The following OR9Q1 variants were observed in gnomAD, a reference collection of about 807,000 sequenced individuals.
OR9Q1 encodes the protein olfactory receptor family 9 subfamily Q member 1, also known as olfactory receptor 9Q1.
For synonymous variants in OR9Q1, 153 were observed against 148.6 expected (o/e 1.03, Z -0.22); for missense variants, 374 against 378.8 (o/e 0.99, Z 0.11).
At chr11:58,138,952 A>C (rs1854215547) in intron 2 of OR9Q1, among the ~76,000 whole-genome samples, 1 of 152,172 alleles carries the variant, frequency 6.6e-6, no homozygotes, top group Admixed American at 6.5e-5. Flanking sequence ...TATATTTTCT[A>C]AGACACAAGA....
At position 58,179,598 on chromosome 11, in the gene OR9Q1, G is replaced by T; in HGVS notation, c.154G>T (p.Asp52Tyr). The change falls in exon 3 of 3, where the codon GAT becomes TAT. Residue 52 changes from aspartate (D) to tyrosine (Y), a missense_variant. By Grantham distance (160) the Asp-to-Tyr change is radical. Transcript: ENST00000335397. ...AGAGATGATTATTCTGATCCTCATG[G>T]ATCACCAGCTCCACGCTCCAATGTA... Reference protein sequence around the residue: ...NLEMIILILMDHQLHAPMYFL... With the variant: ...NLEMIILILMYHQLHAPMYFL... 1 of 1,613,656 alleles carries T rather than the reference G, an allele frequency of 6.2e-7. No homozygotes were observed. The highest frequency in any genetic ancestry group is 8.5e-7 in the Non-Finnish European group (1 of 1,179,748).
intron 2 of OR9Q1, chr11:58,118,011 T>C (rs1853975299): frequency 6.6e-6 from 1 of 152,496 alleles, no homozygotes; most frequent in Admixed American, 6.5e-5. Flanking sequence ...AGTTTTTCCT[T>C]ATACAATACT....
intron 2 of OR9Q1, among the ~76,000 whole-genome samples, chr11:58,166,840 C>T (rs1663733466): frequency 6.6e-6 from 1 of 151,808 alleles, no homozygotes; most frequent in South Asian, 2.1e-4. Flanking sequence ...GGTGGGAGGA[C>T]AGGGAGACTG....
At chr11:58,116,993 G>C (rs1294636821) in intron 2 of OR9Q1, 1 of 152,062 alleles carries the variant, frequency 6.6e-6, no homozygotes, top group Non-Finnish European at 1.5e-5. Flanking sequence ...TTATTCCTTG[G>C]TGCAAAGGAT....
intron 2 of OR9Q1, among the ~76,000 whole-genome samples, chr11:58,177,589 A>C (rs1461053447): frequency 6.6e-6 from 1 of 152,218 alleles, no homozygotes; most frequent in Non-Finnish European, 1.5e-5. Flanking sequence ...TGAAGGTAAC[A>C]GCTTTCTGCT....
At chr11:58,098,785 GCTT>G (rs1266834755) in intron 2 of OR9Q1, among the ~76,000 whole-genome samples, 2 of 151,802 alleles carry the variant, frequency 1.3e-5, no homozygotes, top group African/African-American at 2.4e-5. Context: ...TCTTTTTCTA[GCTT>G]CTTGAGTCGG....
chr11:58,045,167 A>G (rs1853203740), intron 1 of OR9Q1: 1 of 152,202 alleles, frequency 6.6e-6, no homozygotes, highest in African/African-American at 2.4e-5. Context: ...TCTGAAATCC[A>G]AAACACTTCT....
At chr11:58,053,482 A>C (rs1439995476) in intron 1 of OR9Q1, among the ~76,000 whole-genome samples, 3 of 143,278 alleles carry the variant, frequency 2.1e-5, no homozygotes, top group Non-Finnish European at 4.6e-5. Flanking sequence ...TAGCATTAGG[A>C]GATATACCTA....
At chr11:58,141,796 A>C (rs1412859630) in intron 2 of OR9Q1, among the ~76,000 whole-genome samples, 1 of 152,152 alleles carries the variant, frequency 6.6e-6, no homozygotes, top group Non-Finnish European at 1.5e-5. Flanking sequence ...CCATTTTCTT[A>C]GCCACTATAT....
At chr11:58,041,841 G>A (rs1853166716) in intron 1 of OR9Q1, among the ~76,000 whole-genome samples, 1 of 152,100 alleles carries the variant, frequency 6.6e-6, no homozygotes, top group Non-Finnish European at 1.5e-5. Context: ...TGATGTCCTC[G>A]GATTCAGGGC....
At chr11:58,084,446 C>T (rs1853616554) in intron 2 of OR9Q1, among the ~76,000 whole-genome samples, 1 of 151,808 alleles carries the variant, frequency 6.6e-6, no homozygotes, top group African/African-American at 2.4e-5. Flanking sequence ...TTATATGAAG[C>T]TGGCATCAGC....
chr11:58,086,337 G>T (rs998651575), intron 2 of OR9Q1, among the ~76,000 whole-genome samples: 1 of 151,822 alleles, frequency 6.6e-6, no homozygotes, highest in African/African-American at 2.4e-5. Context: ...TGTTAGAAAA[G>T]ATATTAAAAA....
At chr11:58,103,357 G>A (rs1853808950) in intron 2 of OR9Q1, among the ~76,000 whole-genome samples, 1 of 152,126 alleles carries the variant, frequency 6.6e-6, no homozygotes, top group Non-Finnish European at 1.5e-5. Context: ...AACATGCGGT[G>A]ATTATGGGAA....
In OR9Q1 at chr11:58,179,920, G is replaced by T. The variant is rs12420738; in HGVS notation, c.476G>T (p.Arg159Leu). ...GCTGGTCTCATCAGTGCCTTGGTGC[G>T]GACAGTCTCAGCCTTCACTCTCTCC... ...YVAGLISALV[R>L]TVSAFTLSFC... The change falls in exon 3 of 3, where the codon CGG (arginine) becomes CTG (leucine). Residue 159 changes from arginine to leucine, a missense_variant. By Grantham distance (102) the Arg-to-Leu change is moderately radical. Transcript: ENST00000335397. 5.0e-5 allele frequency: 81 copies of T among 1,613,952 alleles called. 1 individual carries two copies. The Admixed American group carries it at 1.2e-3, about 24-fold the overall frequency.
chr11:58,040,160 C>G (rs11229225), intron 1 of OR9Q1, among the ~76,000 whole-genome samples: 1 of 152,044 alleles, frequency 6.6e-6, no homozygotes, highest in African/African-American at 2.4e-5. Flanking sequence ...ACAGTGATAC[C>G]CTGAGTAAAT....
chr11:58,045,224 A>G (rs1245009083), intron 1 of OR9Q1: 2 of 151,916 alleles, frequency 1.3e-5, no homozygotes, highest in Non-Finnish European at 2.9e-5. Flanking sequence ...TAGTAATAAT[A>G]TGTATTTTTT....
At chr11:58,127,100 C>A (rs1030109165) in intron 2 of OR9Q1, among the ~76,000 whole-genome samples, 1 of 152,316 alleles carries the variant, frequency 6.6e-6, no homozygotes. Context: ...CAGGCATGTG[C>A]CACCACGCCC....
In OR9Q1 at chr11:58,134,109, G is replaced by C. The variant is rs145330290; in HGVS notation, c.-14-45322G>C. Among the ~76,000 whole-genome samples the C allele has an allele frequency of 3.7e-3, 557 of 152,288 alleles. 4 individuals are homozygous for C. The highest frequency in any genetic ancestry group is 0.013 in the African/African-American group (527 of 41,564). ...CTCTAAGGAGGTTAGGGATGAAAGG[G>C]CCCCAGCCAGAATTAAGGAGGCCTG... On this transcript the variant is annotated intron_variant, in intron 2 of 2. Coordinates refer to ENST00000335397, the MANE Select transcript of OR9Q1 (RefSeq NM_001005212.4).
intron 2 of OR9Q1, among the ~76,000 whole-genome samples, chr11:58,116,305 G>C (rs1853953875): frequency 6.6e-6 from 1 of 152,198 alleles, no homozygotes; most frequent in African/African-American, 2.4e-5. Flanking sequence ...TTACAACAAT[G>C]CTTCATGAAC....
Sources: gnomAD v4.1 joint callset for allele counts (sites outside exome capture counted in the v4.1 genomes callset) on GRCh38, gnomAD v4.1.1 for gene constraint, MANE v1.5 for transcripts, NCBI Gene and HGNC (gene_info 2026-07-23, HGNC 2026-07-21) for gene names.